Variants in HNRNPC observed in about 807,000 individuals in gnomAD.
HNRNPC encodes the protein heterogeneous nuclear ribonucleoproteins C1/C2.
A neutral mutation model predicts 33.2 loss-of-function variants in HNRNPC; 3 were observed. The observed-to-expected ratio is 0.09, with a 90% CI of 0.04 to 0.23. The LOEUF (loss-of-function observed/expected upper bound fraction) is 0.23, where lower values mean the gene tolerates loss of function less well. HNRNPC is among the 10% of genes least tolerant of loss of function. The pLI is 1.00. For synonymous variants in HNRNPC, 121 were observed against 126.7 expected, an observed-to-expected ratio of 0.96 and a Z score of 0.30; for missense variants, 143 against 366.7, an observed-to-expected ratio of 0.39 and a Z score of 4.98.
intron 6 of HNRNPC, among the ~76,000 whole-genome samples, chr14:21,212,316 T>C (rs1452775107): frequency 6.6e-6 from 1 of 152,160 alleles, no homozygotes; most frequent in African/African-American, 2.4e-5. Context: ...TGTAATGTTT[T>C]ACTGCCTTCC....
intron 1 of HNRNPC, among the ~76,000 whole-genome samples, chr14:21,267,326 T>G (rs983167914): frequency 6.6e-6 from 1 of 152,182 alleles, no homozygotes; most frequent in Non-Finnish European, 1.5e-5. Context: ...CATTCAACAC[T>G]TTATTAAGAT....
intron 5 of HNRNPC, among the ~76,000 whole-genome samples, chr14:21,227,904 T>A (rs774666159): frequency 6.6e-6 from 1 of 152,206 alleles, no homozygotes; most frequent in Non-Finnish European, 1.5e-5. Flanking sequence ...CTGGTCTGAA[T>A]TGAGCCATGA....
intron 2 of HNRNPC, among the ~76,000 whole-genome samples, chr14:21,243,994 TGAGTAAA>T (rs1313801605): frequency 6.6e-6 from 1 of 151,892 alleles, no homozygotes; most frequent in African/African-American, 2.4e-5. Context: ...CATAAGTAAA[TGAGTAAA>T]TACTATTTTT....
intron 2 of HNRNPC, among the ~76,000 whole-genome samples, chr14:21,250,967 G>A (rs1314334941): frequency 6.6e-6 from 1 of 152,140 alleles, no homozygotes; most frequent in Non-Finnish European, 1.5e-5. Flanking sequence ...TCATTCTCAA[G>A]ACTTCCATTT....
At chr14:21,241,674 T>C (rs939558438) in intron 2 of HNRNPC, among the ~76,000 whole-genome samples, 5 of 152,230 alleles carry the variant, frequency 3.3e-5, no homozygotes, top group Non-Finnish European at 5.9e-5. Context: ...ATGGATCTTA[T>C]TGCTTTCAAC....
chr14:21,248,499 C>T (rs907674149), intron 2 of HNRNPC, among the ~76,000 whole-genome samples: 1 of 152,234 alleles, frequency 6.6e-6, no homozygotes, highest in South Asian at 2.1e-4. Context: ...AAACAAGGTA[C>T]ACAAAACACT....
chr14:21,214,127 A>G (rs1891905104), intron 5 of HNRNPC, among the ~76,000 whole-genome samples: 1 of 151,888 alleles, frequency 6.6e-6, no homozygotes, highest in Non-Finnish European at 1.5e-5. Context: ...CAATTCTGCA[A>G]GCTTTTTAAA....
chr14:21,209,172 G>A lies in HNRNPC; in HGVS notation c.*2051C>T, dbSNP rs761823491. 6.6e-6 allele frequency: 1 copy of A among 152,180 alleles called. No individual in the cohort carries two copies. Among genetic ancestry groups the A allele is most frequent in the Non-Finnish European group, 1.5e-5 (1 of 68,018 alleles). 9.4% of individuals were successfully genotyped at this position (152,180 alleles called of 1,614,324 possible). A position where few individuals can be genotyped will look rare whatever the true frequency, so the allele number is the denominator to read the frequency against. ...TTTACATTTTATCAGGTATTTTAAT[G>A]TAGAGATGATTTAAAATATACAGGA... is the stretch of plus-strand genomic sequence containing the variant. On this transcript the variant is annotated 3_prime_UTR_variant, in exon 9 of 9. Coordinates refer to ENST00000553300, the MANE Select transcript of HNRNPC (RefSeq NM_004500.4).
intron 2 of HNRNPC, among the ~76,000 whole-genome samples, chr14:21,242,458 T>C (rs1895467038): frequency 6.6e-6 from 1 of 152,220 alleles, no homozygotes; most frequent in East Asian, 1.9e-4. Context: ...CACTCCTGTC[T>C]GGTCGTCAGT....
intron 5 of HNRNPC, 95 bp downstream of exon 5, chr14:21,230,224 G>T: frequency 1.2e-6 from 1 of 830,364 alleles, no homozygotes; most frequent in Non-Finnish European, 1.9e-6. Context: ...GAGTATGTTT[G>T]AAAACATCTT....
intron 5 of HNRNPC, 183 bp from the exon 6 acceptor site, chr14:21,213,300 T>C (rs1337790508): frequency 3.4e-6 from 2 of 592,372 alleles, no homozygotes; most frequent in East Asian, 5.9e-5. Context: ...ATTATTTCTT[T>C]ACCTAGGCAC....
chr14:21,232,904 G>A (rs879873075), intron 3 of HNRNPC, among the ~76,000 whole-genome samples: 1 of 152,062 alleles, frequency 6.6e-6, no homozygotes, highest in African/African-American at 2.4e-5. Context: ...AGGTGTGGTG[G>A]CACATGCCTG....
chr14:21,250,555 A>G (rs1896523473), intron 2 of HNRNPC, among the ~76,000 whole-genome samples: 1 of 152,246 alleles, frequency 6.6e-6, no homozygotes, highest in Non-Finnish European at 1.5e-5. Context: ...AAGAGTTCAG[A>G]TAATTCAAAG....
intron 2 of HNRNPC, among the ~76,000 whole-genome samples, chr14:21,254,056 G>T (rs536863981): frequency 9.1e-5 from 12 of 132,036 alleles, no homozygotes; most frequent in African/African-American, 3.2e-4. Flanking sequence ...GTGAGATTCC[G>T]TCTCAAAAAA....
At chr14:21,233,450 T>A (rs1179422145) in intron 3 of HNRNPC, among the ~76,000 whole-genome samples, 2 of 152,216 alleles carry the variant, frequency 1.3e-5, no homozygotes, top group Non-Finnish European at 2.9e-5. Context: ...AAAACAGACA[T>A]CTAGTACAAC....
At chr14:21,251,472 A>G (rs1188519901) in intron 2 of HNRNPC, among the ~76,000 whole-genome samples, 2 of 152,028 alleles carry the variant, frequency 1.3e-5, no homozygotes, top group Non-Finnish European at 2.9e-5. Context: ...TGAGGTCAGG[A>G]GTTCCAGACC....
chr14:21,247,887 C>T (rs1251760603), intron 2 of HNRNPC, among the ~76,000 whole-genome samples: 1 of 151,318 alleles, frequency 6.6e-6, no homozygotes, highest in Non-Finnish European at 1.5e-5. Context: ...CTTGGGAGGC[C>T]GAGGCATGAG....
Position 21,212,945 on chromosome 14 carries a change from TGAA to T in HNRNPC, c.523+12_523+14del. 6.8e-6 allele frequency: 11 copies of T among 1,613,330 alleles called. No individual in the cohort carries two copies. Among genetic ancestry groups the T allele is most frequent in the Non-Finnish European group, 9.3e-6 (11 of 1,179,740 alleles). ...CACAAGAGATACCAAAATCACAAAA[TGAA>T]ATAATACATACACTTTCCAGACTTG... On this transcript the variant is annotated intron_variant, in intron 6 of 8. Coordinates refer to ENST00000553300, the MANE Select transcript of HNRNPC (RefSeq NM_004500.4).
chr14:21,242,996 A>G (rs558895516), intron 2 of HNRNPC, among the ~76,000 whole-genome samples: 1 of 152,226 alleles, frequency 6.6e-6, no homozygotes, highest in East Asian at 1.9e-4. Context: ...GTGGTGGCAC[A>G]TACCTGTAGT....
Sources: gnomAD v4.1 joint callset for allele counts (sites outside exome capture counted in the v4.1 genomes callset) on GRCh38, gnomAD v4.1.1 for gene constraint, MANE v1.5 for transcripts, NCBI Gene and HGNC (gene_info 2026-07-23, HGNC 2026-07-21) for gene names.